The following PLD1 variants were observed in gnomAD, a reference collection of about 807,000 sequenced individuals.
PLD1 encodes the protein choline phosphatase 1.
Under a neutral mutation model 137.1 loss-of-function variants are expected in PLD1, and 112 were observed. That is an observed-to-expected ratio of 0.82 (90% CI 0.70 to 0.96). The LOEUF (loss-of-function observed/expected upper bound fraction) is 0.96. Among genes scored for constraint, PLD1 ranks in the 40% least tolerant of loss-of-function variants. The pLI is 0.00. For missense variants in PLD1, 1,321 were observed against 1,342.0 expected (o/e 0.98, Z 0.24); for synonymous variants, 431 against 454.7 (o/e 0.95, Z 0.66).
chr3:171,616,326 G>C (rs1352684928), intron 24 of PLD1, among the ~76,000 whole-genome samples: 2 of 152,086 alleles, frequency 1.3e-5, no homozygotes, highest in East Asian at 3.9e-4. Context: ...TTTCCTTTGT[G>C]GTTTGTGCTT....
At chr3:171,696,450 G>T (rs897825037) in intron 12 of PLD1, among the ~76,000 whole-genome samples, 1 of 152,128 alleles carries the variant, frequency 6.6e-6, no homozygotes, top group Non-Finnish European at 1.5e-5. Context: ...TTAAGAAACA[G>T]CCATCATAAG....
intron 21 of PLD1, among the ~76,000 whole-genome samples, chr3:171,652,370 G>A (rs892277526): frequency 1.9e-4 from 28 of 144,784 alleles, no homozygotes; most frequent in Non-Finnish European, 3.0e-5. Context: ...CCAAGATCGC[G>A]CCACTGCACT....
intron 1 of PLD1, among the ~76,000 whole-genome samples, chr3:171,804,141 C>CA (rs1723752332): frequency 6.6e-6 from 1 of 152,028 alleles, no homozygotes; most frequent in Admixed American, 6.6e-5. Flanking sequence ...TTCAGAGGAC[C>CA]ACTGCCCTAC....
chr3:171,736,813 T>C (rs945254065), intron 3 of PLD1, among the ~76,000 whole-genome samples: 1 of 152,180 alleles, frequency 6.6e-6, no homozygotes, highest in Non-Finnish European at 1.5e-5. Flanking sequence ...CCTGCAGCAA[T>C]TGTCCTCCCC....
At chr3:171,748,696 A>T (rs1720442716) in intron 1 of PLD1, among the ~76,000 whole-genome samples, 1 of 151,840 alleles carries the variant, frequency 6.6e-6, no homozygotes, top group Non-Finnish European at 1.5e-5. Context: ...GTACAGTACC[A>T]TGGTAGATAT....
At chr3:171,750,330 C>A (rs1720565501) in intron 1 of PLD1, among the ~76,000 whole-genome samples, 1 of 152,034 alleles carries the variant, frequency 6.6e-6, no homozygotes, top group Non-Finnish European at 1.5e-5. Context: ...ATTATCCAAT[C>A]TGAAGGACAG....
chr3:171,618,386 C>A (rs1439283824), intron 24 of PLD1, among the ~76,000 whole-genome samples: 1 of 152,168 alleles, frequency 6.6e-6, no homozygotes, highest in Non-Finnish European at 1.5e-5. Flanking sequence ...GGCTGAAAGT[C>A]AAAATGACCT....
rs539315754 is a variant in PLD1, at chr3:171,673,528, C to A, written c.2229+972G>T. Among the ~76,000 whole-genome samples the A allele has an allele frequency of 3.3e-5, 5 of 152,266 alleles. No homozygotes were observed. In the South Asian group the frequency reaches 8.3e-4, roughly 25 times the overall value. On this transcript the variant is annotated intron_variant, in intron 19 of 26. Transcript: ENST00000351298. ...TCAGGTGATCCACCCGCCTCGGCCT[C>A]CCAAAGTGCTAGGACTACAGGTGGG...
At chr3:171,743,821 T>G (rs9871488) in intron 1 of PLD1, among the ~76,000 whole-genome samples, 79,398 of 152,010 alleles carry the variant, frequency 0.52, 22,009 homozygotes, top group African/African-American at 0.72. Flanking sequence ...GGACACTCTT[T>G]GGGGAGGAGG....
intron 1 of PLD1, among the ~76,000 whole-genome samples, chr3:171,804,549 G>A (rs546265825): frequency 9.5e-4 from 144 of 152,146 alleles, no homozygotes; most frequent in Non-Finnish European, 1.6e-3. Flanking sequence ...GTGACCTCAA[G>A]GACCTTGCCC....
intron 23 of PLD1, among the ~76,000 whole-genome samples, chr3:171,628,812 C>T (rs1286354391): frequency 1.3e-5 from 2 of 152,202 alleles, no homozygotes; most frequent in African/African-American, 4.8e-5. Context: ...AATTCAACAA[C>T]TCTTCTTGCT....
intron 13 of PLD1, among the ~76,000 whole-genome samples, chr3:171,691,161 C>T (rs755792768): frequency 2.0e-5 from 3 of 152,034 alleles, no homozygotes; most frequent in Non-Finnish European, 4.4e-5. Context: ...GTGTGAAATA[C>T]CCTTTCCATC....
At chr3:171,728,583 G>A (rs1014777140) in intron 6 of PLD1, among the ~76,000 whole-genome samples, 1 of 152,158 alleles carries the variant, frequency 6.6e-6, no homozygotes, top group African/African-American at 2.4e-5. Context: ...GTCTACTACA[G>A]AGGCATAACT....
At chr3:171,679,311 T>C (rs1713713552) in intron 16 of PLD1, among the ~76,000 whole-genome samples, 1 of 152,232 alleles carries the variant, frequency 6.6e-6, no homozygotes, top group Admixed American at 6.5e-5. Context: ...TGATTTAAAA[T>C]GCCATAGATT....
intron 21 of PLD1, among the ~76,000 whole-genome samples, chr3:171,645,349 T>C (rs1005025377): frequency 2.0e-5 from 3 of 151,810 alleles, no homozygotes; most frequent in Admixed American, 1.3e-4. Context: ...AAGAGGCGGG[T>C]AGGGGAGGCT....
intron 1 of PLD1, among the ~76,000 whole-genome samples, chr3:171,805,241 G>A (rs1453907665): frequency 6.6e-6 from 1 of 152,110 alleles, no homozygotes; most frequent in African/African-American, 2.4e-5. Flanking sequence ...TTCAAAAAAT[G>A]ATTGAGTACA....
At chr3:171,799,517 T>C (rs1023251177) in intron 1 of PLD1, among the ~76,000 whole-genome samples, 2 of 152,072 alleles carry the variant, frequency 1.3e-5, no homozygotes, top group East Asian at 1.9e-4. Context: ...AGAAAATCTA[T>C]AACATTAAAG....
chr3:171,738,063 A>C lies in PLD1; in HGVS notation c.-12T>G. ...TTTTTCAGTGACATGTTAACTTTGGACAGAGTAAAAGCAAAGGGGCTAGGA... is the reference window on the plus strand; with the variant it reads ...TTTTTCAGTGACATGTTAACTTTGGCCAGAGTAAAAGCAAAGGGGCTAGGA... On this transcript the variant is annotated 5_prime_UTR_variant, in exon 2 of 27. Coordinates refer to ENST00000351298, the MANE Select transcript of PLD1 (RefSeq NM_002662.5). 1 of 1,608,852 alleles carries C rather than the reference A, an allele frequency of 6.2e-7. No individual in the cohort carries two copies. Among genetic ancestry groups the C allele is most frequent in the South Asian group, 1.1e-5 (1 of 90,172 alleles).
At chr3:171,707,750 C>T (rs1716805566) in intron 11 of PLD1, among the ~76,000 whole-genome samples, 2 of 152,084 alleles carry the variant, frequency 1.3e-5, no homozygotes, top group South Asian at 2.1e-4. Flanking sequence ...TAGTGGATGC[C>T]GCTAAACACC....
Sources: gnomAD v4.1 joint callset for allele counts (sites outside exome capture counted in the v4.1 genomes callset) on GRCh38, gnomAD v4.1.1 for gene constraint, MANE v1.5 for transcripts, NCBI Gene and HGNC (gene_info 2026-07-23, HGNC 2026-07-21) for gene names.